Variants in SGPP2 observed in about 807,000 individuals in gnomAD.
The protein encoded by SGPP2 is sphingosine 1-phosphate phosphohydrolase 2.
SGPP2 carries 30 observed loss-of-function variants against 33.9 expected under a neutral mutation model. The ratio of observed to expected loss-of-function variants is 0.89; its 90% CI spans 0.66 to 1.20. The LOEUF (loss-of-function observed/expected upper bound fraction) is 1.20. Among genes scored for constraint, SGPP2 ranks in the 50% most tolerant of loss-of-function variants. SGPP2 has a pLI of 0.00. For synonymous variants in SGPP2, 233 were observed against 225.0 expected (o/e 1.04, Z -0.32); for missense variants, 458 against 532.1 (o/e 0.86, Z 1.37).
chr2:222,455,823 G>A (rs750855384), intron 1 of SGPP2, among the ~76,000 whole-genome samples: 23 of 152,216 alleles, frequency 1.5e-4, no homozygotes, highest in Admixed American at 2.6e-4. Flanking sequence ...TGCTTTGGGA[G>A]CCCAGGAGTT....
intron 2 of SGPP2, among the ~76,000 whole-genome samples, chr2:222,497,716 A>G (rs923747597): frequency 6.6e-6 from 1 of 152,238 alleles, no homozygotes; most frequent in Non-Finnish European, 1.5e-5. Flanking sequence ...AATGTACAAG[A>G]CAGACTCCAT....
intron 2 of SGPP2, among the ~76,000 whole-genome samples, chr2:222,512,437 C>T (rs1188831865): frequency 6.6e-6 from 1 of 152,156 alleles, no homozygotes; most frequent in African/African-American, 2.4e-5. Context: ...AATTCCCCGC[C>T]ACAGTGATAC....
At chr2:222,554,388 G>T (rs1306285526) in intron 4 of SGPP2, among the ~76,000 whole-genome samples, 1 of 152,170 alleles carries the variant, frequency 6.6e-6, no homozygotes, top group Non-Finnish European at 1.5e-5. Context: ...GTCCTCTATA[G>T]GTGGAACTTG....
chr2:222,521,225 A>C (rs1157883219), intron 2 of SGPP2, among the ~76,000 whole-genome samples: 2 of 152,230 alleles, frequency 1.3e-5, no homozygotes, highest in African/African-American at 2.4e-5. Context: ...TTGTGGTTAA[A>C]ATTTGAAAAC....
chr2:222,561,641 T>TAA lies in SGPP2; in HGVS notation c.*2744_*2745dup, dbSNP rs1489793665. Among the ~76,000 whole-genome samples, 2 of 151,888 alleles carry TAA rather than the reference T, an allele frequency of 1.3e-5. No individual in the cohort carries two copies. Among genetic ancestry groups the TAA allele is most frequent in the African/African-American group, 4.8e-5 (2 of 41,356 alleles). Reference sequence around the variant, plus strand: ...ATATTGATATATTTAAGGCTGTACTTAACTAATTTGGGCTGAGGATGAATA... The same window carrying TAA: ...ATATTGATATATTTAAGGCTGTACTTAAAACTAATTTGGGCTGAGGATGAATA... On this transcript the variant is annotated 3_prime_UTR_variant, in exon 5 of 5. Coordinates refer to ENST00000321276, the MANE Select transcript of SGPP2 (RefSeq NM_152386.4).
intron 2 of SGPP2, among the ~76,000 whole-genome samples, chr2:222,503,525 T>G (rs757403108): frequency 7.6e-4 from 115 of 152,180 alleles, no homozygotes; most frequent in Non-Finnish European, 2.2e-4. Context: ...TGGTAATAAT[T>G]GCTTTGAATC....
rs572385620 is a variant in SGPP2 at position 222,543,200 on chromosome 2, T to C, written c.649-15147T>C. On this transcript the variant is annotated intron_variant, in intron 4 of 4. Coordinates refer to ENST00000321276, the MANE Select transcript of SGPP2 (RefSeq NM_152386.4). ...TTATTATATTTGTGAGGTTTTATTG[T>C]TTTTCTTATTTAGATCTATAATCTA... Among the ~76,000 whole-genome samples, 15 of 152,360 alleles carry C rather than the reference T, an allele frequency of 9.8e-5. 1 individual carries two copies. In the South Asian group the frequency reaches 3.1e-3, roughly 32 times the overall value.
intron 2 of SGPP2, among the ~76,000 whole-genome samples, chr2:222,506,995 A>G (rs1698454853): frequency 6.6e-6 from 1 of 152,174 alleles, no homozygotes; most frequent in Non-Finnish European, 1.5e-5. Flanking sequence ...ATCTGGGAGC[A>G]CAGAGAAAAC....
At chr2:222,446,895 A>C (rs1363392669) in intron 1 of SGPP2, among the ~76,000 whole-genome samples, 2 of 152,214 alleles carry the variant, frequency 1.3e-5, no homozygotes, top group Non-Finnish European at 2.9e-5. Flanking sequence ...AGAAGGATTG[A>C]GTTGTAAAGG....
chr2:222,454,959 G>A (rs376651728), intron 1 of SGPP2, among the ~76,000 whole-genome samples: 4 of 152,226 alleles, frequency 2.6e-5, no homozygotes, highest in East Asian at 3.9e-4. Context: ...TGCGTGGTGG[G>A]CAGAACAACA....
chr2:222,470,223 G>A (rs1003325641), intron 1 of SGPP2, among the ~76,000 whole-genome samples: 2 of 152,006 alleles, frequency 1.3e-5, no homozygotes, highest in East Asian at 1.9e-4. Flanking sequence ...CATGGCACAC[G>A]CATACCTGTG....
At chr2:222,459,404 C>A (rs988777948) in intron 1 of SGPP2, among the ~76,000 whole-genome samples, 1 of 152,050 alleles carries the variant, frequency 6.6e-6, no homozygotes, top group Admixed American at 6.6e-5. Flanking sequence ...CCTGCCTCGG[C>A]CTCCCAAAGT....
chr2:222,532,591 A>G (rs146492139), intron 4 of SGPP2, among the ~76,000 whole-genome samples: 7 of 152,234 alleles, frequency 4.6e-5, no homozygotes, highest in East Asian at 1.9e-4. Context: ...AGCAAGAAAC[A>G]TGGGCAACAC....
intron 2 of SGPP2, among the ~76,000 whole-genome samples, chr2:222,492,395 C>T (rs1276915733): frequency 1.3e-5 from 2 of 152,244 alleles, no homozygotes; most frequent in Non-Finnish European, 2.9e-5. Context: ...AGGCCCAACA[C>T]CATGTGGAAG....
intron 2 of SGPP2, among the ~76,000 whole-genome samples, chr2:222,492,833 A>T (rs192419666): frequency 1.3e-5 from 2 of 152,238 alleles, no homozygotes; most frequent in East Asian, 3.9e-4. Flanking sequence ...AGTTCCACAG[A>T]TCTCTTGGGT....
intron 4 of SGPP2, among the ~76,000 whole-genome samples, chr2:222,541,779 A>G (rs1699002514): frequency 6.6e-6 from 1 of 151,624 alleles, no homozygotes; most frequent in Non-Finnish European, 1.5e-5. Flanking sequence ...ATGCCCAGCT[A>G]ATTTTTGTAT....
chr2:222,465,423 TA>T lies in SGPP2; in HGVS notation c.220-9133del, dbSNP rs5741599. 0.39 allele frequency among the ~76,000 whole-genome samples: 59,250 copies of T among 151,128 alleles called. 12,363 individuals are homozygous for T. Among genetic ancestry groups the T allele is most frequent in the Admixed American group, 0.53 (7,967 of 15,166 alleles). ...ATAGGTTGGAAAGTCTTGATTCTCT[TA>T]AAAAAAAAAAAGTGAGTAATTAAAA... On this transcript the variant is annotated intron_variant, in intron 1 of 4. Coordinates refer to ENST00000321276, the MANE Select transcript of SGPP2 (RefSeq NM_152386.4). The surrounding 1 kb of genome is among the most constrained non-coding windows in gnomAD (Gnocchi z 4.1).
chr2:222,484,169 C>G (rs931128095), intron 2 of SGPP2, among the ~76,000 whole-genome samples: 1 of 152,102 alleles, frequency 6.6e-6, no homozygotes, highest in Non-Finnish European at 1.5e-5. Context: ...AAGTTTAGAT[C>G]TCTCTAATTA....
At chr2:222,467,224 C>G (rs1461686484) in intron 1 of SGPP2, among the ~76,000 whole-genome samples, 1 of 152,194 alleles carries the variant, frequency 6.6e-6, no homozygotes, top group African/African-American at 2.4e-5. Context: ...TCAACTACAT[C>G]AAAATCTGCT....
Sources: gnomAD v4.1 joint callset for allele counts (sites outside exome capture counted in the v4.1 genomes callset) on GRCh38, gnomAD v4.1.1 for gene constraint, Gnocchi (gnomAD v3.1) non-coding constraint, MANE v1.5 for transcripts, NCBI Gene and HGNC (gene_info 2026-07-23, HGNC 2026-07-21) for gene names.